The following LIMA1 variants were observed in gnomAD, a reference collection of about 807,000 sequenced individuals.
LIMA1 encodes LIM domain and actin binding 1, also known as LIM domain and actin-binding protein 1.
LIMA1 carries 52 observed loss-of-function variants against 62.6 expected under a neutral mutation model. That is an observed-to-expected ratio of 0.83 (90% CI 0.67 to 1.05). LIMA1 has a LOEUF of 1.05. Ranked by LOEUF, LIMA1 falls within the 50% of genes least tolerant of loss-of-function variation. LIMA1 has a pLI of 0.00. For synonymous variants in LIMA1, 302 were observed against 317.8 expected (o/e 0.95, Z 0.53); for missense variants, 780 against 902.2 (o/e 0.86, Z 1.74).
intron 1 of LIMA1, among the ~76,000 whole-genome samples, chr12:50,270,561 C>T (rs913560907): frequency 1.6e-4 from 23 of 143,096 alleles, no homozygotes; most frequent in African/African-American, 4.7e-4. Context: ...ATCCAGATCA[C>T]GCCACTGCAC....
chr12:50,270,233 C>CAAAAAAA (rs60610107), intron 1 of LIMA1, among the ~76,000 whole-genome samples: 2 of 68,404 alleles, frequency 2.9e-5, no homozygotes, highest in African/African-American at 1.2e-4. Context: ...GAAACTCTGT[C>CAAAAAAA]AAAAAAAAAA....
At chr12:50,200,655 T>C in intron 7 of LIMA1, 122 bp downstream of exon 7, 1 of 1,076,400 alleles carries the variant, frequency 9.3e-7, no homozygotes, top group Non-Finnish European at 1.4e-6. Flanking sequence ...CAATCTGTCC[T>C]GGCAGCTGTT....
chr12:50,237,578 A>G (rs1017481653), intron 2 of LIMA1, among the ~76,000 whole-genome samples: 9 of 152,178 alleles, frequency 5.9e-5, no homozygotes, highest in South Asian at 2.1e-4. Flanking sequence ...TGGAGGTTGC[A>G]GTAAGCTGAG....
At chr12:50,242,976 C>A (rs1565855892) in intron 2 of LIMA1, among the ~76,000 whole-genome samples, 1 of 152,174 alleles carries the variant, frequency 6.6e-6, no homozygotes, top group Non-Finnish European at 1.5e-5. Context: ...ATGAGTCAAA[C>A]AAATTCCACC....
chr12:50,227,852 TTTTC>T lies in LIMA1; in HGVS notation c.165+3809_165+3812del, dbSNP rs1417513622. Among the ~76,000 whole-genome samples the T allele has an allele frequency of 7.4e-4, 113 of 151,728 alleles. 2 individuals carry two copies. The highest frequency in any genetic ancestry group is 3.9e-3 in the South Asian group (19 of 4,812). On this transcript the variant is annotated intron_variant, in intron 3 of 10. Coordinates refer to ENST00000341247, the MANE Select transcript of LIMA1 (RefSeq NM_016357.5). Reference sequence around the variant, plus strand: ...TATTTATTTGATATGGTAATTTTTTTTTTCTTTTTTTTTTTTTTGAGACGGAGTC... The same window carrying T: ...TATTTATTTGATATGGTAATTTTTTTTTTTTTTTTTTTTTGAGACGGAGTC...
At chr12:50,209,056 C>T (rs1411354818) in intron 4 of LIMA1, among the ~76,000 whole-genome samples, 2 of 145,180 alleles carry the variant, frequency 1.4e-5, no homozygotes, top group Non-Finnish European at 3.0e-5. Flanking sequence ...GTCTCAAACT[C>T]TTGGGCTCAA....
rs78791103 is a variant in LIMA1 at position 50,263,939 on chromosome 12, C to T, written c.-23-15165G>A. On this transcript the variant is annotated intron_variant, in intron 1 of 10. Transcript: ENST00000341247. ...TATATACTCAAGAGAAATGAAAACA[C>T]ATGTCCACACAGAACTTGTACACAA... Among the ~76,000 whole-genome samples, 1,451 of 146,322 alleles carry T rather than the reference C, an allele frequency of 9.9e-3. 29 individuals are homozygous for T. The highest frequency in any genetic ancestry group is 0.035 in the African/African-American group (1,353 of 38,862).
chr12:50,215,542 T>C (rs1399857820), intron 4 of LIMA1, among the ~76,000 whole-genome samples: 1 of 152,172 alleles, frequency 6.6e-6, no homozygotes, highest in Non-Finnish European at 1.5e-5. Context: ...CAATCTCGGC[T>C]CACTGCAAGC....
At position 50,235,255 on chromosome 12, in the gene LIMA1, G is replaced by T. The variant is rs539782454; in HGVS notation, c.120-3545C>A. Among the ~76,000 whole-genome samples, 4 of 150,810 alleles carry T rather than the reference G, an allele frequency of 2.7e-5. No homozygotes were observed. In the East Asian group the frequency reaches 7.8e-4, roughly 29 times the overall value. ...AGCCAAGAAAGAGTATTACATAAAG[G>T]GTCTTCCAATCCTATCACTTTTTTT... is the stretch of plus-strand genomic sequence containing the variant. On this transcript the variant is annotated intron_variant, in intron 2 of 10. Coordinates refer to ENST00000341247, the MANE Select transcript of LIMA1 (RefSeq NM_016357.5).
intron 3 of LIMA1, 53 bp downstream of exon 3, chr12:50,231,612 C>T: frequency 6.4e-7 from 1 of 1,563,644 alleles, no homozygotes; most frequent in East Asian, 2.2e-5. Context: ...GTGGCTTGGC[C>T]ACACAATTCT....
chr12:50,238,485 C>T (rs984613468), intron 2 of LIMA1, among the ~76,000 whole-genome samples: 12 of 151,438 alleles, frequency 7.9e-5, no homozygotes, highest in Admixed American at 2.6e-4. Context: ...CCAGCCCTGG[C>T]GACAAAGCAA....
At chr12:50,205,358 C>G (rs1941132336) in intron 5 of LIMA1, among the ~76,000 whole-genome samples, 2 of 151,886 alleles carry the variant, frequency 1.3e-5, no homozygotes, top group Non-Finnish European at 2.9e-5. Context: ...TAGGTCTGAG[C>G]CACCATGCCT....
intron 4 of LIMA1, among the ~76,000 whole-genome samples, chr12:50,221,203 A>G (rs962328994): frequency 6.6e-6 from 1 of 152,146 alleles, no homozygotes; most frequent in Non-Finnish European, 1.5e-5. Flanking sequence ...TTTGCTCCCC[A>G]TCAGGTCTGT....
chr12:50,255,334 C>G (rs1363015084), intron 1 of LIMA1, among the ~76,000 whole-genome samples: 1 of 151,614 alleles, frequency 6.6e-6, no homozygotes, highest in Non-Finnish European at 1.5e-5. Context: ...GCAGGCAGAT[C>G]ACATGAGCTC....
intron 1 of LIMA1, among the ~76,000 whole-genome samples, chr12:50,260,041 C>T (rs541808817): frequency 6.6e-6 from 1 of 152,308 alleles, no homozygotes; most frequent in Non-Finnish European, 1.5e-5. Context: ...TCTCCCTTCT[C>T]TGAGCGAGCT....
At chr12:50,207,399 TATA>T (rs1237765358) in intron 4 of LIMA1, among the ~76,000 whole-genome samples, 1 of 152,190 alleles carries the variant, frequency 6.6e-6, no homozygotes, top group Non-Finnish European at 1.5e-5. Flanking sequence ...TTATTCAGCT[TATA>T]ATGAGATCCT....
rs1383547189 is a variant in LIMA1 at position 50,261,042 on chromosome 12, A to ATATTT, written c.-23-12269_-23-12268insAAATA. Among the ~76,000 whole-genome samples, 42 of 54,294 alleles carry ATATTT rather than the reference A, an allele frequency of 7.7e-4. 2 individuals are homozygous for ATATTT. The highest frequency in any genetic ancestry group is 2.7e-3 in the African/African-American group (38 of 13,952). The allele number at this position is 54,294 out of a possible 152,430, so 35.6% of individuals were successfully genotyped here. A position where few individuals can be genotyped will look rare whatever the true frequency, so the allele number is the denominator to read the frequency against. On this transcript the variant is annotated intron_variant, in intron 1 of 10. Transcript: ENST00000341247. ...CTTTTGCTTTTCTGCCATCTAGTAT[A>ATATTT]TTTTTTTTTTTTTTTTTTTTTTTTT...
At chr12:50,228,153 G>A (rs959934855) in intron 3 of LIMA1, among the ~76,000 whole-genome samples, 6 of 152,004 alleles carry the variant, frequency 3.9e-5, no homozygotes, top group East Asian at 1.9e-4. Context: ...CCACCGCGCC[G>A]GGCCTGATAT....
chr12:50,230,680 C>T (rs1941597641), intron 3 of LIMA1, among the ~76,000 whole-genome samples: 1 of 151,792 alleles, frequency 6.6e-6, no homozygotes. Flanking sequence ...AGGTTCACGC[C>T]ATTCTCCTGC....
Sources: gnomAD v4.1 joint callset for allele counts (sites outside exome capture counted in the v4.1 genomes callset) on GRCh38, gnomAD v4.1.1 for gene constraint, MANE v1.5 for transcripts, NCBI Gene and HGNC (gene_info 2026-07-23, HGNC 2026-07-21) for gene names.